Variants in SNRPN observed in about 807,000 individuals in gnomAD.
SNRPN encodes the protein small nuclear ribonucleoprotein polypeptide N, also known as small nuclear ribonucleoprotein-associated protein N.
Under a neutral mutation model 25.2 loss-of-function variants are expected in SNRPN, and 7 were observed. That is an observed-to-expected ratio of 0.28 (90% CI 0.16 to 0.52). SNRPN has a LOEUF of 0.52. Ranked by LOEUF, SNRPN falls within the 20% of genes least tolerant of loss-of-function variation. The pLI, the probability that SNRPN is intolerant of heterozygous loss-of-function variation, is 0.96. For synonymous variants in SNRPN, 124 were observed against 110.6 expected (o/e 1.12, Z -0.76); for missense variants, 196 against 322.5 (o/e 0.61, Z 3.00).
At chr15:24,838,084 G>T (rs2051376023) in intron 2 of SNRPN, among the ~76,000 whole-genome samples, 1 of 150,210 alleles carries the variant, frequency 6.7e-6, no homozygotes, top group South Asian at 2.1e-4. Context: ...GCCTAGGCTG[G>T]AGTACAGTGG....
chr15:24,867,213 C>T (rs778209000), intron 1 of SNRPN, among the ~76,000 whole-genome samples: 44 of 151,960 alleles, frequency 2.9e-4, no homozygotes, highest in Non-Finnish European at 5.9e-4. Flanking sequence ...ATACTTTTTT[C>T]GATAATGGCT....
chr15:24,826,656 T>C lies in SNRPN; in HGVS notation c.-687+2806T>C, dbSNP rs188165870. Among the ~76,000 whole-genome samples the C allele has an allele frequency of 1.0e-3, 153 of 152,172 alleles. 1 individual carries two copies. The highest frequency in any genetic ancestry group is 2.7e-3 in the African/African-American group (113 of 41,468). ...TCATAAAGAAAAACCTATGATTTAA[T>C]GGGCGTGTGTAACACTAGAGGGAAG... On this transcript the variant is annotated intron_variant, in intron 1 of 12. Transcript: ENST00000400100.
chr15:24,912,986 C>A (rs906630954), intron 2 of SNRPN, among the ~76,000 whole-genome samples: 2 of 152,146 alleles, frequency 1.3e-5, no homozygotes, highest in Non-Finnish European at 2.9e-5. Flanking sequence ...GTCGCCCAGG[C>A]TGGAGTACAG....
In SNRPN at chr15:24,908,284, C is replaced by A. The variant is rs76065145; in HGVS notation, c.-504-11727C>A. On this transcript the variant is annotated intron_variant, in intron 2 of 11. Coordinates refer to the SNRPN transcript ENST00000400097. ...CTGAGAAGTGGCAGTGTTGCAATAA[C>A]AAATACCTAAAAATGTAGAGGCTGC... 3.7e-3 allele frequency among the ~76,000 whole-genome samples: 566 copies of A among 152,108 alleles called. 2 individuals carry two copies. The highest frequency in any genetic ancestry group is 0.013 in the African/African-American group (544 of 41,494).
intron 1 of SNRPN, among the ~76,000 whole-genome samples, chr15:24,864,346 T>C (rs868131963): frequency 0.023 from 3,378 of 145,682 alleles, 51 homozygotes; most frequent in African/African-American, 0.03. Flanking sequence ...TTTCTTTTTT[T>C]TTTTTTTTTT....
At chr15:24,913,645 C>CA (rs71127016) in intron 2 of SNRPN, among the ~76,000 whole-genome samples, 56,273 of 150,976 alleles carry the variant, frequency 0.37, 10,932 homozygotes, top group African/African-American at 0.48. Context: ...GACTCCGTCT[C>CA]AAAAAAACAA....
chr15:24,919,673 A>T (rs1376001119), intron 2 of SNRPN, among the ~76,000 whole-genome samples: 2 of 152,184 alleles, frequency 1.3e-5, no homozygotes, highest in Admixed American at 6.5e-5. Context: ...AAGACAGGCC[A>T]GGGTGATCAA....
Position 24,927,026 on chromosome 15 carries a change from A to T in SNRPN, c.-391+6902A>T, listed in dbSNP as rs531610804. Among the ~76,000 whole-genome samples the T allele has an allele frequency of 7.0e-4, 107 of 152,034 alleles. 1 individual carries two copies. The highest frequency in any genetic ancestry group is 1.7e-3 in the African/African-American group (70 of 41,472). On this transcript the variant is annotated intron_variant, in intron 3 of 11. Transcript: ENST00000400097. ...ACCCTGTTGCTTAAAAGAATATTTT[A>T]AAAAAAACCTACCCTTTATCCAGAT...
At chr15:24,924,086 A>G (rs2060226057) in intron 3 of SNRPN, among the ~76,000 whole-genome samples, 2 of 150,768 alleles carry the variant, frequency 1.3e-5, no homozygotes, top group African/African-American at 4.9e-5. Context: ...AGGAGGGAAG[A>G]CCTTTCCTCT....
chr15:24,872,544 G>A lies in SNRPN; in HGVS notation c.-578-13972G>A, dbSNP rs1432557944. ...GCGGATCACCTGAGGTTGGGAGTTCGAGACCAGCCTGACCAACATGGAGAA... is the reference window on the plus strand; with the variant it reads ...GCGGATCACCTGAGGTTGGGAGTTCAAGACCAGCCTGACCAACATGGAGAA... On this transcript the variant is annotated intron_variant, in intron 1 of 11. Coordinates refer to the SNRPN transcript ENST00000400097. Among the ~76,000 whole-genome samples, 2 of 115,268 alleles carry A rather than the reference G, an allele frequency of 1.7e-5. 1 individual carries two copies. Among genetic ancestry groups the A allele is most frequent in the Admixed American group, 1.9e-4 (2 of 10,346 alleles). 75.6% of individuals were successfully genotyped at this position (115,268 alleles called of 152,430 possible). A position where few individuals can be genotyped will look rare whatever the true frequency, so the allele number is the denominator to read the frequency against.
rs995511630 is a variant in SNRPN, at chr15:24,917,485, T to C, written c.-504-2526T>C. On this transcript the variant is annotated intron_variant, in intron 2 of 11. Coordinates refer to the SNRPN transcript ENST00000400097. ...GAAAAACCAAGATTACTGCATAAGG[T>C]TTCAGGGGATGTTCCATGCCTGCCA... is the stretch of plus-strand genomic sequence containing the variant. Among the ~76,000 whole-genome samples the C allele has an allele frequency of 2.0e-4, 31 of 152,186 alleles. 1 individual carries two copies. The highest frequency in any genetic ancestry group is 9.8e-4 in the Admixed American group (15 of 15,270).
intron 5 of SNRPN, among the ~76,000 whole-genome samples, chr15:24,976,066 T>TTGTAG (rs1412424763): frequency 1.6e-4 from 25 of 152,358 alleles, no homozygotes; most frequent in African/African-American, 5.5e-4. Context: ...ATTAGTCTTG[T>TTGTAG]TGTAGTGTAA....
chr15:24,836,807 C>T (rs535483211), intron 2 of SNRPN, among the ~76,000 whole-genome samples: 2 of 152,162 alleles, frequency 1.3e-5, no homozygotes, highest in Non-Finnish European at 2.9e-5. Context: ...TATGGACAGT[C>T]ATTTAGAAGT....
At chr15:24,864,193 AT>A (rs1216174774) in intron 1 of SNRPN, among the ~76,000 whole-genome samples, 9 of 130,298 alleles carry the variant, frequency 6.9e-5, no homozygotes, top group East Asian at 2.3e-4. Context: ...CGCCCGGCTA[AT>A]TTTTTTTGTA....
chr15:24,895,106 G>A (rs1190050850), intron 2 of SNRPN, among the ~76,000 whole-genome samples: 3 of 152,118 alleles, frequency 2.0e-5, no homozygotes, highest in Non-Finnish European at 2.9e-5. Context: ...GAAACAGCAA[G>A]GGCTATTCCT....
chr15:24,897,512 G>A (rs1360936238), intron 2 of SNRPN, among the ~76,000 whole-genome samples: 2 of 152,166 alleles, frequency 1.3e-5, no homozygotes, highest in East Asian at 1.9e-4. Flanking sequence ...TTTAGCCCAG[G>A]AGTTCGTGGT....
At chr15:24,834,749 C>CTCTCTCTCTATATA (rs1566806547) in intron 2 of SNRPN, among the ~76,000 whole-genome samples, 1 of 63,084 alleles carries the variant, frequency 1.6e-5, no homozygotes, top group Non-Finnish European at 3.1e-5. Flanking sequence ...CTCTCTCTCT[C>CTCTCTCTCTATATA]TCTATATATA....
At chr15:24,904,942 C>CAAAA (rs33929037) in intron 2 of SNRPN, among the ~76,000 whole-genome samples, 11 of 88,232 alleles carry the variant, frequency 1.2e-4, no homozygotes, top group East Asian at 7.1e-4. Context: ...GACTCCGTCT[C>CAAAA]AAAAAAAAAA....
chr15:24,836,929 G>C (rs1465434252), intron 2 of SNRPN, among the ~76,000 whole-genome samples: 9 of 152,070 alleles, frequency 5.9e-5, no homozygotes, highest in African/African-American at 2.4e-5. Flanking sequence ...CCTTCCCTTC[G>C]GGCATAGGGC....
Sources: allele counts gnomAD v4.1 joint callset (sites outside exome capture counted in the v4.1 genomes callset), GRCh38; gene constraint gnomAD v4.1.1; transcripts MANE v1.5; gene names NCBI Gene and HGNC (gene_info 2026-07-23, HGNC 2026-07-21).